Variants in PXMP2 observed in about 807,000 individuals in gnomAD.
PXMP2 encodes 22 kDa peroxisomal membrane protein.
PXMP2 carries 13 observed loss-of-function variants against 20.2 expected under a neutral mutation model. The observed-to-expected ratio is 0.64, with a 90% CI of 0.42 to 1.02. PXMP2 has a LOEUF of 1.02. Among genes scored for constraint, PXMP2 ranks in the 50% least tolerant of loss-of-function variants. The pLI is 0.00. For synonymous variants in PXMP2, 113 were observed against 111.2 expected (o/e 1.02, Z -0.10); for missense variants, 284 against 251.8 (o/e 1.13, Z -0.87).
chr12:132,703,485 T>G (rs1212686902), intron 4 of PXMP2, among the ~76,000 whole-genome samples: 2 of 151,952 alleles, frequency 1.3e-5, no homozygotes, highest in African/African-American at 4.8e-5. Flanking sequence ...ACACTCACAG[T>G]GGTGCTTGGA....
chr12:132,703,951 C>T (rs1433622721), intron 4 of PXMP2, among the ~76,000 whole-genome samples: 2 of 152,088 alleles, frequency 1.3e-5, no homozygotes, highest in Admixed American at 6.5e-5. Context: ...GCTGGGAAGC[C>T]GCGCCTCTGA....
At chr12:132,690,992 G>A (rs2043362546) in intron 2 of PXMP2, among the ~76,000 whole-genome samples, 1 of 151,982 alleles carries the variant, frequency 6.6e-6, no homozygotes, top group African/African-American at 2.4e-5. Context: ...TCCTAGACTG[G>A]GCTCATGGAA....
rs142495415 is a variant in PXMP2 at position 132,704,287 on chromosome 12, C to T, written c.520-332C>T. 4.6e-5 allele frequency among the ~76,000 whole-genome samples: 7 copies of T among 152,240 alleles called. No individual in the cohort carries two copies. The East Asian group carries it at 1.4e-3, about 29-fold the overall frequency. ...CCCCTGAGGAGGGTGCAGCCACCTG[C>T]ATGATGGCTGGTCCTGGAGTGAGAG... On this transcript the variant is annotated intron_variant, in intron 4 of 4. Transcript: ENST00000317479.
chr12:132,699,477 A>G (rs1446456642), intron 3 of PXMP2, among the ~76,000 whole-genome samples: 1 of 150,168 alleles, frequency 6.7e-6, no homozygotes, highest in Non-Finnish European at 1.5e-5. Context: ...GAGTTGTTTC[A>G]CTTGGGATAA....
In PXMP2 at chr12:132,687,661, T is replaced by G. The variant is rs2043311896; in HGVS notation, c.-10T>G. 7.7e-6 allele frequency: 9 copies of G among 1,167,238 alleles called. No homozygotes were observed. The highest frequency in any genetic ancestry group is 8.4e-6 in the Non-Finnish European group (8 of 950,636). 72.3% of individuals were successfully genotyped at this position (1,167,238 alleles called of 1,614,324 possible). On this transcript the variant is annotated 5_prime_UTR_variant, in exon 1 of 5. Transcript: ENST00000317479. ...GTCGGTGCCCCCGGCGGCACGGCGC[T>G]GGGGAGGCGATGGCGCCGGCCGCGT...
At chr12:132,703,666 G>T (rs2043454899) in intron 4 of PXMP2, among the ~76,000 whole-genome samples, 1 of 152,180 alleles carries the variant, frequency 6.6e-6, no homozygotes, top group African/African-American at 2.4e-5. Flanking sequence ...GGAGGGGCAA[G>T]TTTGGCCATG....
At chr12:132,694,873 T>C (rs554290818) in intron 2 of PXMP2, among the ~76,000 whole-genome samples, 162 of 143,494 alleles carry the variant, frequency 1.1e-3, no homozygotes, top group Admixed American at 5.7e-3. Flanking sequence ...CTTAGCCAGT[T>C]AGTTAGTGAG....
intron 3 of PXMP2, among the ~76,000 whole-genome samples, chr12:132,699,668 T>G (rs1337611024): frequency 2.0e-5 from 3 of 151,920 alleles, no homozygotes; most frequent in African/African-American, 7.3e-5. Flanking sequence ...GTGCTGAGAT[T>G]ACAGGCGTGA....
In PXMP2 at chr12:132,696,971, C is replaced by T. The variant is rs2043413326; in HGVS notation, c.399+925C>T. Among the ~76,000 whole-genome samples, 1 of 147,344 alleles carries T rather than the reference C, an allele frequency of 6.8e-6. No homozygotes were observed. Among genetic ancestry groups the T allele is most frequent in the East Asian group, 2.1e-4 (1 of 4,808 alleles). ...GTCTGGGCAACAGAGCAAGACTCTG[C>T]CTCAAAAAAAAAAGAAAAAAGAAAA... On this transcript the variant is annotated intron_variant, in intron 3 of 4. Coordinates refer to ENST00000317479, the MANE Select transcript of PXMP2 (RefSeq NM_018663.3). The surrounding 1 kb of genome is among the most constrained non-coding windows in gnomAD (Gnocchi z 4.4).
At chr12:132,694,916 CCAGT>C (rs1467157952) in intron 2 of PXMP2, among the ~76,000 whole-genome samples, 3 of 134,260 alleles carry the variant, frequency 2.2e-5, no homozygotes, top group African/African-American at 8.3e-5. Context: ...AGCGCCCTTG[CCAGT>C]CAGTTAGTGA....
intron 3 of PXMP2, among the ~76,000 whole-genome samples, chr12:132,700,401 G>A (rs992648249): frequency 1.3e-5 from 2 of 151,904 alleles, no homozygotes; most frequent in Non-Finnish European, 2.9e-5. Flanking sequence ...ATCTCCTTGT[G>A]GTTTTAATTT....
chr12:132,702,686 G>A, intron 4 of PXMP2: 1 of 179,348 alleles, frequency 5.6e-6, no homozygotes, highest in South Asian at 7.8e-5. Flanking sequence ...GGTGCAAACA[G>A]TCCAGGCACA....
intron 2 of PXMP2, among the ~76,000 whole-genome samples, chr12:132,694,579 G>A (rs1299858413): frequency 9.1e-6 from 1 of 109,968 alleles, no homozygotes; most frequent in African/African-American, 3.4e-5. Context: ...GCCCTTGCCA[G>A]TTAGTTAGTG....
intron 4 of PXMP2, among the ~76,000 whole-genome samples, chr12:132,703,975 A>C (rs1323387010): frequency 6.6e-6 from 1 of 152,164 alleles, no homozygotes; most frequent in Non-Finnish European, 1.5e-5. Context: ...GCGTGGGGGC[A>C]GAGTCGCCAT....
Position 132,699,817 on chromosome 12 carries a change from C to T in PXMP2, c.400-1433C>T, listed in dbSNP as rs554757276. 3.9e-5 allele frequency among the ~76,000 whole-genome samples: 6 copies of T among 152,156 alleles called. No individual in the cohort carries two copies. The East Asian group carries it at 5.8e-4, about 15-fold the overall frequency. Reference sequence around the variant, plus strand: ...TCCACGTGTTTGCTGTTGTGGATAGCGCTGTGATAAACACACGAGGGCAGG... The same window carrying T: ...TCCACGTGTTTGCTGTTGTGGATAGTGCTGTGATAAACACACGAGGGCAGG... On this transcript the variant is annotated intron_variant, in intron 3 of 4. Coordinates refer to ENST00000317479, the MANE Select transcript of PXMP2 (RefSeq NM_018663.3).
intron 1 of PXMP2, among the ~76,000 whole-genome samples, chr12:132,688,708 G>A (rs1355913217): frequency 4.5e-4 from 2 of 4,404 alleles, no homozygotes; most frequent in South Asian, 0.019. Context: ...TCTTGGGGGC[G>A]CGGGTGAAGA....
intron 2 of PXMP2, among the ~76,000 whole-genome samples, chr12:132,694,969 T>C (rs2043402201): frequency 1.4e-5 from 1 of 69,512 alleles, no homozygotes; most frequent in African/African-American, 3.6e-5. Flanking sequence ...CCCTTGCCAG[T>C]TAGTTAGTGA....
Position 132,687,700 on chromosome 12 carries a change from C to G in PXMP2, c.30C>G (p.Ala10=). ...CGCCGGCCGCGTCCAGGCTGCGGGC[C>G]GAAGCCGGGCTCGGGGCGCTGCCGC... is the stretch of plus-strand genomic sequence containing the variant. MAPAASRLR[A]EAGLGALPRR... is the part of the protein sequence containing the mutation. Residue 10 remains alanine, a synonymous_variant, in exon 1 of 5, where the codon GCC becomes GCG. Coordinates refer to ENST00000317479, the MANE Select transcript of PXMP2 (RefSeq NM_018663.3). The G allele has an allele frequency of 1.7e-6, 2 of 1,192,540 alleles. No homozygotes were observed. Among genetic ancestry groups the G allele is most frequent in the Non-Finnish European group, 2.1e-6 (2 of 965,576 alleles). The allele number at this position is 1,192,540 out of a possible 1,614,324, so 73.9% of individuals were successfully genotyped here.
At position 132,693,618 on chromosome 12, in the gene PXMP2, TGCC is replaced by T. The variant is rs1565991027; in HGVS notation, c.237-2265_237-2263del. Among the ~76,000 whole-genome samples the T allele has an allele frequency of 2.0e-4, 13 of 65,482 alleles. 1 individual carries two copies. The highest frequency in any genetic ancestry group is 3.5e-4 in the East Asian group (1 of 2,858). 43.0% of individuals were successfully genotyped at this position (65,482 alleles called of 152,430 possible). A position where few individuals can be genotyped will look rare whatever the true frequency, so the allele number is the denominator to read the frequency against. ...TTGCCAGTTAGTTAGTGAGCGCCCT[TGCC>T]AGTCAGTGAGCGCCCTTGCCAGTTA... On this transcript the variant is annotated intron_variant, in intron 2 of 4. Coordinates refer to ENST00000317479, the MANE Select transcript of PXMP2 (RefSeq NM_018663.3).
Sources: gnomAD v4.1 joint callset for allele counts (sites outside exome capture counted in the v4.1 genomes callset) on GRCh38, gnomAD v4.1.1 for gene constraint, Gnocchi (gnomAD v3.1) non-coding constraint, MANE v1.5 for transcripts, NCBI Gene and HGNC (gene_info 2026-07-23, HGNC 2026-07-21) for gene names.